Variants in CIITA observed in about 807,000 individuals in gnomAD.
CIITA encodes the protein MHC class II transactivator.
CIITA carries 72 observed loss-of-function variants against 115.1 expected under a neutral mutation model. That is an observed-to-expected ratio of 0.63 (90% CI 0.52 to 0.76). The LOEUF is 0.76. Among genes scored for constraint, CIITA ranks in the 30% least tolerant of loss-of-function variants. The pLI, the probability that CIITA is intolerant of heterozygous loss-of-function variation, is 0.00. For synonymous variants in CIITA, 763 were observed against 635.6 expected, an observed-to-expected ratio of 1.20 and a Z score of -3.02; for missense variants, 1,617 against 1,463.8, an observed-to-expected ratio of 1.10 and a Z score of -1.71.
chr16:10,937,180 T>A (rs1053639564), downstream of CIITA: 1 of 152,310 alleles, frequency 6.6e-6, no homozygotes, highest in Non-Finnish European at 1.5e-5. This position sits in a 1 kb window ranked among gnomAD's most constrained non-coding sequence, Gnocchi z 4.2. Context: ...GTGAGCCTCA[T>A]GTCAGGAGCA....
At chr16:10,887,747 G>A (rs888123158) in intron 1 of CIITA, among the ~76,000 whole-genome samples, 17 of 152,034 alleles carry the variant, frequency 1.1e-4, no homozygotes, top group African/African-American at 3.6e-4. Flanking sequence ...CGCCAGCCTC[G>A]GCCTCTCAAA....
chr16:10,898,716 G>C lies in CIITA; in HGVS notation c.342G>C (p.Leu114=), dbSNP rs2038394922. The part of the protein sequence containing the change: ...YVFQDSQLEG[L]SKDIFKHIGP... Reference sequence around the variant, plus strand: ...TCCAGGACTCCCAGCTGGAGGGCCTGAGCAAGGACATTTTCAGTAAGTTTG... The same window carrying C: ...TCCAGGACTCCCAGCTGGAGGGCCTCAGCAAGGACATTTTCAGTAAGTTTG... The change falls in exon 4 of 20, where the codon CTG becomes CTC. Residue 114 remains leucine (L), a synonymous_variant. Coordinates refer to ENST00000324288, the MANE Select transcript of CIITA (RefSeq NM_000246.4). The C allele has an allele frequency of 6.2e-7, 1 of 1,611,794 alleles. No homozygotes were observed. The highest frequency in any genetic ancestry group is 1.1e-5 in the South Asian group (1 of 90,802).
At position 10,907,889 on chromosome 16, in the gene CIITA, G is replaced by A; in HGVS notation, c.2397G>A (p.Gly799=). Residue 799 remains glycine, a synonymous_variant, in exon 11 of 20, where the codon GGG becomes GGA. Transcript: ENST00000324288. The surrounding 1 kb of genome is among the most constrained non-coding windows in gnomAD (Gnocchi z 5.0). Reference sequence around the variant, plus strand: ...GGTACCTGAAGCGGCTGCAGCCGGGGACACTGCGGGCGCGGCAGCTGCTGG... The same window carrying A: ...GGTACCTGAAGCGGCTGCAGCCGGGAACACTGCGGGCGCGGCAGCTGCTGG... The part of the protein sequence containing the change: ...LARYLKRLQP[G]TLRARQLLEL... 1 of 1,597,748 alleles carries A rather than the reference G, an allele frequency of 6.3e-7. No homozygotes were observed. The highest frequency in any genetic ancestry group is 8.5e-7 in the Non-Finnish European group (1 of 1,171,772).
At chr16:10,908,943 T>C in intron 11 of CIITA, 86 bp from the exon 12 acceptor site, 1 of 1,589,192 alleles carries the variant, frequency 6.3e-7, no homozygotes, top group Non-Finnish European at 8.6e-7. Flanking sequence ...AGTATTTTAA[T>C]AGGTAGGAGG....
intron 11 of CIITA, 111 bp downstream of exon 11, chr16:10,908,260 T>G (rs2144751124): frequency 7.9e-7 from 1 of 1,264,142 alleles, no homozygotes; most frequent in Non-Finnish European, 1.1e-6. Context: ...AGCAGCCGGG[T>G]GGGGCAGAAT....
At chr16:10,892,121 C>T (rs1487654034) in intron 1 of CIITA, among the ~76,000 whole-genome samples, 9 of 151,930 alleles carry the variant, frequency 5.9e-5, no homozygotes, top group African/African-American at 9.7e-5. Flanking sequence ...GTCGGGAGTT[C>T]GAAACCAGCC....
intron 1 of CIITA, chr16:10,888,304 A>C (rs1321948197): frequency 6.6e-6 from 1 of 152,232 alleles, no homozygotes; most frequent in Non-Finnish European, 1.5e-5. Flanking sequence ...TGGTTTAAAA[A>C]ATGAACTTAC....
intron 1 of CIITA, chr16:10,888,344 T>A (rs941126010): frequency 4.6e-5 from 7 of 152,228 alleles, no homozygotes; most frequent in Non-Finnish European, 8.8e-5. Flanking sequence ...TAGGTAGGGA[T>A]AACCTGAAAG....
At position 10,907,913 on chromosome 16, in the gene CIITA, G is replaced by T. The variant is rs34654419; in HGVS notation, c.2421G>T (p.Leu807=). ...QPGTLRARQL[L]ELLHCAHEAE... ...GGACACTGCGGGCGCGGCAGCTGCT[G>T]GAGCTGCTGCACTGCGCCCACGAGG... is the stretch of plus-strand genomic sequence containing the variant. Residue 807 remains leucine (L), a synonymous_variant, in exon 11 of 20, where the codon CTG becomes CTT. Coordinates refer to ENST00000324288, the MANE Select transcript of CIITA (RefSeq NM_000246.4). The surrounding 1 kb of genome is among the most constrained non-coding windows in gnomAD (Gnocchi z 5.0). The T allele has an allele frequency of 0.21, 333,148 of 1,577,540 alleles. 37,267 individuals carry two copies. The highest frequency in any genetic ancestry group is 0.4 in the Admixed American group (22,022 of 55,514).
chr16:10,894,090 G>A (rs753322077), intron 1 of CIITA, among the ~76,000 whole-genome samples: 38 of 152,106 alleles, frequency 2.5e-4, no homozygotes, highest in Non-Finnish European at 4.4e-5. Context: ...GGGCTCAAGC[G>A]ATTCTCCTGT....
Position 10,941,705 on chromosome 16 carries a change from A to G in CIITA, n.831A>G. 1 of 1,596,198 alleles carries G rather than the reference A, an allele frequency of 6.3e-7. No homozygotes were observed. Among genetic ancestry groups the G allele is most frequent in the Non-Finnish European group, 8.5e-7 (1 of 1,170,300 alleles). ...CGGATCGTGTAGGGAAGAGGGGAAC[A>G]GCAGTCGAGACCCTACTCCAAGTAC... is the stretch of plus-strand genomic sequence containing the variant. On this transcript the variant is annotated non_coding_transcript_exon_variant, in exon 2 of 2. Transcript: ENST00000573379. This position sits in a 1 kb window ranked among gnomAD's most constrained non-coding sequence, Gnocchi z 6.4.
Position 10,895,549 on chromosome 16 carries a change from T to C in CIITA, c.200-120T>C, listed in dbSNP as rs548079582. 34 of 1,552,406 alleles carry C rather than the reference T, an allele frequency of 2.2e-5. No homozygotes were observed. The South Asian group carries it at 3.6e-4, about 17-fold the overall frequency. The stretch of plus-strand genomic sequence containing the variant: ...GTCAGCACCACGGACAGCTCCCACG[T>C]CTGTGGGACGCTCTCTGCAGATGGG... On this transcript the variant is annotated intron_variant, in intron 2 of 19. Coordinates refer to ENST00000324288, the MANE Select transcript of CIITA (RefSeq NM_000246.4).
At chr16:10,938,604 T>C (rs538417857), downstream of CIITA, 1 of 152,302 alleles carries the variant, frequency 6.6e-6, no homozygotes, top group African/African-American at 2.4e-5. The surrounding 1 kb of genome is among the most constrained non-coding windows in gnomAD (Gnocchi z 4.9). Flanking sequence ...CTTGAGGTCT[T>C]TCCTGGCGGC....
chr16:10,872,874 T>TC (rs1394980943), upstream of CIITA, among the ~76,000 whole-genome samples: 1 of 152,250 alleles, frequency 6.6e-6, no homozygotes, highest in Non-Finnish European at 1.5e-5. Context: ...AGGGGAGGAA[T>TC]CTTCATCCAT....
chr16:10,899,484 G>A (rs929728058), intron 5 of CIITA, among the ~76,000 whole-genome samples: 1 of 152,190 alleles, frequency 6.6e-6, no homozygotes, highest in African/African-American at 2.4e-5. Context: ...CACCTTGTGT[G>A]TCTTTTTCCT....
Position 10,898,632 on chromosome 16 carries a change from A to G in CIITA, c.296-38A>G, listed in dbSNP as rs371293170. On this transcript the variant is annotated intron_variant, in intron 3 of 19. Transcript: ENST00000324288. ...TGGCACACAGTGGGCCTTCAGTTAGACCTTGTTGATTGACTGCGCTTTTCC... is the reference window on the plus strand; with the variant it reads ...TGGCACACAGTGGGCCTTCAGTTAGGCCTTGTTGATTGACTGCGCTTTTCC... 1.8e-5 allele frequency: 29 copies of G among 1,583,970 alleles called. No individual in the cohort carries two copies. In the African/African-American group the frequency reaches 3.3e-4, roughly 18 times the overall value.
Position 10,895,448 on chromosome 16 carries a change from G to A in CIITA, c.199+20G>A. ...ACTCAGGTGGGCCCTCCTCCCTCTG[G>A]TCTCTTCCGGTATCCCCCACCCCTC... On this transcript the variant is annotated intron_variant, in intron 2 of 19. Transcript: ENST00000324288. 6.2e-7 allele frequency: 1 copy of A among 1,612,100 alleles called. No individual in the cohort carries two copies. Among genetic ancestry groups the A allele is most frequent in the Non-Finnish European group, 8.5e-7 (1 of 1,179,952 alleles).
chr16:10,916,350 T>G lies in CIITA; in HGVS notation c.2970-17T>G, dbSNP rs1638497863. Reference sequence around the variant, plus strand: ...CCAGGACGCTAGCTGATGGCCCCCATCTGATTCCACCTGCAGCCTGGATGC... The same window carrying G: ...CCAGGACGCTAGCTGATGGCCCCCAGCTGATTCCACCTGCAGCCTGGATGC... On this transcript the variant is annotated splice_polypyrimidine_tract_variant and intron_variant, in intron 14 of 19. Coordinates refer to ENST00000324288, the MANE Select transcript of CIITA (RefSeq NM_000246.4). The G allele has an allele frequency of 6.2e-7, 1 of 1,613,096 alleles. No homozygotes were observed. The highest frequency in any genetic ancestry group is 8.5e-7 in the Non-Finnish European group (1 of 1,179,490).
intron 1 of CIITA, among the ~76,000 whole-genome samples, chr16:10,883,122 G>A (rs536659514): frequency 1.3e-5 from 2 of 152,258 alleles, no homozygotes; most frequent in Admixed American, 1.3e-4. Context: ...TGCTGGCGGG[G>A]GGACTGTGTT....
Sources: allele counts gnomAD v4.1 joint callset (sites outside exome capture counted in the v4.1 genomes callset), GRCh38; gene constraint gnomAD v4.1.1; non-coding constraint Gnocchi (gnomAD v3.1); transcripts MANE v1.5; gene names NCBI Gene and HGNC (gene_info 2026-07-23, HGNC 2026-07-21).